Variants in PALM2AKAP2 observed in about 807,000 individuals in gnomAD.
The protein encoded by PALM2AKAP2 is PALM2-AKAP2 fusion protein.
PALM2AKAP2 carries 37 observed loss-of-function variants against 71.5 expected under a neutral mutation model. That is an observed-to-expected ratio of 0.52 (90% confidence interval 0.40 to 0.68). The LOEUF is 0.68. Among genes scored for constraint, PALM2AKAP2 ranks in the 30% least tolerant of loss-of-function variants. The pLI is 0.00. For synonymous variants in PALM2AKAP2, 468 were observed against 478.8 expected (o/e 0.98, Z 0.29); for missense variants, 1,224 against 1,191.8 (o/e 1.03, Z -0.40).
intron 7 of PALM2AKAP2, among the ~76,000 whole-genome samples, chr9:110,026,454 AT>A (rs1342206248): frequency 2.0e-5 from 3 of 151,938 alleles, no homozygotes; most frequent in South Asian, 2.1e-4. Context: ...AATCAATGCT[AT>A]TTTTTATTGT....
At chr9:109,642,788 G>T (rs145417629) in intron 1 of PALM2AKAP2, among the ~76,000 whole-genome samples, 2,032 of 150,118 alleles carry the variant, frequency 0.014, 35 homozygotes, top group African/African-American at 0.047. Context: ...CTGGGCTCAA[G>T]CAATCCTCCT....
chr9:109,838,368 AT>A (rs1292127305), intron 1 of PALM2AKAP2, among the ~76,000 whole-genome samples: 1 of 152,244 alleles, frequency 6.6e-6, no homozygotes, highest in African/African-American at 2.4e-5. Flanking sequence ...TCCGGGACAT[AT>A]TTAAAGCAGT....
In PALM2AKAP2 at chr9:109,838,590, C is replaced by G. The variant is rs191751660; in HGVS notation, c.46-28901C>G. 2.6e-3 allele frequency among the ~76,000 whole-genome samples: 389 copies of G among 152,234 alleles called. 4 individuals carry two copies. The highest frequency in any genetic ancestry group is 8.7e-3 in the African/African-American group (363 of 41,550). The stretch of plus-strand genomic sequence containing the variant: ...TTCAAAAAATCAATGAATCCAGGAG[C>G]TGGTTTTTTGAAAAGATCAACAAAA... On this transcript the variant is annotated intron_variant, in intron 1 of 9. Coordinates refer to the PALM2AKAP2 transcript ENST00000302798.
At chr9:109,664,332 G>T (rs1487248836) in intron 1 of PALM2AKAP2, among the ~76,000 whole-genome samples, 1 of 152,178 alleles carries the variant, frequency 6.6e-6, no homozygotes, top group Non-Finnish European at 1.5e-5. Context: ...GGTACCGGTT[G>T]TTTCTTTCCA....
At chr9:109,989,397 G>A (rs745649459) in intron 6 of PALM2AKAP2, among the ~76,000 whole-genome samples, 1 of 151,884 alleles carries the variant, frequency 6.6e-6, no homozygotes, top group African/African-American at 2.4e-5. Context: ...TTTTTCTTTC[G>A]GGTTGTGCTT....
intron 5 of PALM2AKAP2, among the ~76,000 whole-genome samples, chr9:109,927,381 CA>C (rs1321452982): frequency 6.6e-6 from 1 of 152,140 alleles, no homozygotes; most frequent in Non-Finnish European, 1.5e-5. Flanking sequence ...CAACTTGCTA[CA>C]AAAAACTAAC....
chr9:109,709,837 G>C (rs1007585065), intron 1 of PALM2AKAP2, among the ~76,000 whole-genome samples: 3 of 152,182 alleles, frequency 2.0e-5, no homozygotes, highest in Admixed American at 6.5e-5. Context: ...AACCTGTAGC[G>C]ATTTGAATGT....
intron 1 of PALM2AKAP2, among the ~76,000 whole-genome samples, chr9:109,800,022 G>A (rs1372841570): frequency 6.6e-6 from 1 of 152,160 alleles, no homozygotes; most frequent in African/African-American, 2.4e-5. Flanking sequence ...TAAGAATTCA[G>A]TCAGAGCCAC....
intron 1 of PALM2AKAP2, among the ~76,000 whole-genome samples, chr9:109,681,330 T>C (rs1827729726): frequency 6.6e-6 from 1 of 152,220 alleles, no homozygotes; most frequent in South Asian, 2.1e-4. Flanking sequence ...CTGTAATTGG[T>C]TATTTATTAT....
intron 1 of PALM2AKAP2, among the ~76,000 whole-genome samples, chr9:109,678,832 C>G (rs1827685630): frequency 6.6e-6 from 1 of 152,086 alleles, no homozygotes; most frequent in African/African-American, 2.4e-5. Flanking sequence ...TCATAGGTGG[C>G]TGAAAATCAA....
rs146832610 is a variant in PALM2AKAP2, at chr9:109,892,936, A to G, written c.257+12255A>G. ...AAAGAATGATATGACAATGTACAAT[A>G]TATAAACAATCTCAAATTGTTTGAT... On this transcript the variant is annotated intron_variant, in intron 3 of 9. Coordinates refer to the PALM2AKAP2 transcript ENST00000302798. Among the ~76,000 whole-genome samples, 779 of 152,314 alleles carry G rather than the reference A, an allele frequency of 5.1e-3. 6 individuals carry two copies. The highest frequency in any genetic ancestry group is 9.1e-3 in the Non-Finnish European group (622 of 68,034).
intron 1 of PALM2AKAP2, among the ~76,000 whole-genome samples, chr9:110,099,917 A>G (rs1724285817): frequency 6.6e-6 from 1 of 151,602 alleles, no homozygotes; most frequent in Admixed American, 6.6e-5. Flanking sequence ...CATCTGGGGC[A>G]TATAATTGAG....
At chr9:109,967,981 C>G (rs1831989198) in intron 6 of PALM2AKAP2, among the ~76,000 whole-genome samples, 1 of 152,198 alleles carries the variant, frequency 6.6e-6, no homozygotes, top group Admixed American at 6.5e-5. Context: ...AGGACTTGGT[C>G]TTTTTCTCTG....
chr9:109,875,722 T>C (rs572320113), intron 2 of PALM2AKAP2, among the ~76,000 whole-genome samples: 6 of 152,308 alleles, frequency 3.9e-5, no homozygotes, highest in Non-Finnish European at 5.9e-5. Flanking sequence ...AATCTGCATC[T>C]CCATGGGTGG....
intron 1 of PALM2AKAP2, among the ~76,000 whole-genome samples, chr9:109,724,122 G>A (rs901500703): frequency 1.3e-5 from 2 of 152,078 alleles, no homozygotes; most frequent in Non-Finnish European, 2.9e-5. Flanking sequence ...ATACATATAT[G>A]TAATGTCCAA....
intron 2 of PALM2AKAP2, 110 bp from the exon 9 acceptor site, chr9:110,156,209 G>A: frequency 2.1e-6 from 3 of 1,404,536 alleles, no homozygotes; most frequent in South Asian, 1.7e-5. Flanking sequence ...CATCATTCTG[G>A]TACCACTCTC....
At chr9:110,150,346 A>G (rs1015820150) in intron 2 of PALM2AKAP2, among the ~76,000 whole-genome samples, 12 of 152,224 alleles carry the variant, frequency 7.9e-5, no homozygotes, top group Non-Finnish European at 1.2e-4. Flanking sequence ...TCAAGGTGTC[A>G]GTGGGTAGTG....
chr9:109,922,100 G>A (rs1830844327), intron 3 of PALM2AKAP2, among the ~76,000 whole-genome samples: 1 of 151,886 alleles, frequency 6.6e-6, no homozygotes, highest in African/African-American at 2.4e-5. Flanking sequence ...AAGTCTAATG[G>A]CCAGTTCCCG....
intron 3 of PALM2AKAP2, among the ~76,000 whole-genome samples, chr9:110,159,078 G>A (rs905456755): frequency 4.6e-5 from 7 of 152,148 alleles, no homozygotes; most frequent in Admixed American, 3.3e-4. Context: ...CCAATCTGTG[G>A]CCCCTTTTCC....
Sources: allele counts gnomAD v4.1 joint callset (sites outside exome capture counted in the v4.1 genomes callset), GRCh38; gene constraint gnomAD v4.1.1; transcripts MANE v1.5; gene names NCBI Gene and HGNC (gene_info 2026-07-23, HGNC 2026-07-21).